Variants in ARMC5 observed in about 807,000 individuals in gnomAD.
ARMC5 encodes the protein armadillo repeat-containing protein 5.
In ARMC5, 28 loss-of-function variants were observed where a neutral mutation model predicts 60.5. The ratio of observed to expected loss-of-function variants is 0.46; its 90% CI spans 0.34 to 0.63. The LOEUF is 0.63. Ranked by LOEUF, ARMC5 falls within the 30% of genes least tolerant of loss-of-function variation. The pLI is 0.01. For synonymous variants in ARMC5, 680 were observed against 607.3 expected (o/e 1.12, Z -1.76); for missense variants, 1,189 against 1,304.9 (o/e 0.91, Z 1.37).
At chr16:31,459,152 G>A, upstream of ARMC5, 1 of 1,503,880 alleles carries the variant, frequency 6.6e-7, no homozygotes, top group Non-Finnish European at 8.8e-7. Context: ...TCCCCGCCGA[G>A]TGCACGCCGG....
In ARMC5 at chr16:31,462,795, G is replaced by A. The variant is rs2082316444; in HGVS notation, c.1248G>A (p.Leu416=). 2 of 1,613,894 alleles carry A rather than the reference G, an allele frequency of 1.2e-6. No individual in the cohort carries two copies. The highest frequency in any genetic ancestry group is 3.3e-5 in the Admixed American group (2 of 59,998). The change falls in exon 3 of 6, where the codon CTG becomes CTA. Residue 416 remains leucine (L), a synonymous_variant. Coordinates refer to ENST00000268314, the MANE Select transcript of ARMC5 (RefSeq NM_001105247.2). The surrounding 1 kb of genome is among the most constrained non-coding windows in gnomAD (Gnocchi z 7.2). The stretch of plus-strand genomic sequence containing the variant: ...AGGCTCTGGGACTTGTGCCTCTCCT[G>A]GCTGGGCAGCTGTGTGGTGAGGCTG... ...RLQALGLVPL[L]AGQLCGEAGE...
chr16:31,461,321 T>C (rs747442653), intron 1 of ARMC5, among the ~76,000 whole-genome samples: 4 of 152,186 alleles, frequency 2.6e-5, no homozygotes, highest in African/African-American at 7.2e-5. Flanking sequence ...TGGCCCCCAG[T>C]GCCTTCACAT....
In ARMC5 at chr16:31,459,985, G is replaced by T. The variant is rs758217532; in HGVS notation, c.461G>T (p.Gly154Val). The change falls in exon 1 of 6, where the codon GGC (glycine) becomes GTC (valine). Residue 154 changes from glycine (G) to valine (V), a missense_variant. Around this residue, in one of 2 missense-constraint regions of ARMC5, gnomAD observed 327 missense variants for 233.7 expected, o/e 1.40. Coordinates refer to ENST00000268314, the MANE Select transcript of ARMC5 (RefSeq NM_001105247.2). ...ACRTEVRRLGGILPLVTILQC... is the reference protein window; with the variant it reads ...ACRTEVRRLGVILPLVTILQC... Reference sequence around the variant, plus strand: ...CGGACCGAAGTGCGCAGACTCGGAGGCATACTCCCTTTGGGTAAGTGCTCC... The same window carrying T: ...CGGACCGAAGTGCGCAGACTCGGAGTCATACTCCCTTTGGGTAAGTGCTCC... 4 of 1,598,142 alleles carry T rather than the reference G, an allele frequency of 2.5e-6. No homozygotes were observed. Among genetic ancestry groups the T allele is most frequent in the South Asian group, 2.2e-5 (2 of 90,618 alleles).
Position 31,462,794 on chromosome 16 carries a change from T to C in ARMC5, c.1247T>C (p.Leu416Pro), listed in dbSNP as rs1224340432. ...CAGGCTCTGGGACTTGTGCCTCTCC[T>C]GGCTGGGCAGCTGTGTGGTGAGGCT... Reference protein sequence around the residue: ...RLQALGLVPLLAGQLCGEAGE... With the variant: ...RLQALGLVPLPAGQLCGEAGE... The change falls in exon 3 of 6, where the codon CTG (leucine) becomes CCG (proline). Residue 416 changes from leucine (L) to proline (P), a missense_variant. Leu to Pro is a moderately conservative substitution (Grantham distance 98). Coordinates refer to ENST00000268314, the MANE Select transcript of ARMC5 (RefSeq NM_001105247.2). The surrounding 1 kb of genome is among the most constrained non-coding windows in gnomAD (Gnocchi z 7.2). 1 of 1,613,896 alleles carries C rather than the reference T, an allele frequency of 6.2e-7. No individual in the cohort carries two copies.
intron 1 of ARMC5, among the ~76,000 whole-genome samples, chr16:31,461,652 C>T (rs911103808): frequency 3.3e-5 from 5 of 152,150 alleles, no homozygotes; most frequent in Admixed American, 6.6e-5. Flanking sequence ...GGATTACAGG[C>T]GTGTACCACC....
chr16:31,458,506 G>A (rs1188834273), upstream of ARMC5: 2 of 1,535,744 alleles, frequency 1.3e-6, no homozygotes, highest in South Asian at 1.2e-5. Context: ...ACAACGGTAA[G>A]GCTTGTCACC....
upstream of ARMC5, chr16:31,459,461 C>T (rs1309153581): frequency 6.4e-7 from 1 of 1,555,176 alleles, no homozygotes; most frequent in Non-Finnish European, 8.7e-7. Context: ...ATTTCCCTGT[C>T]TTCCAGTTCC....
intron 3 of ARMC5, among the ~76,000 whole-genome samples, chr16:31,463,809 C>T (rs1331649176): frequency 2.6e-5 from 4 of 152,206 alleles, no homozygotes; most frequent in African/African-American, 4.8e-5. Context: ...TTGTCTGCTT[C>T]TTCTCACTGG....
chr16:31,460,306 C>G (rs2082293903), intron 1 of ARMC5: 2 of 367,676 alleles, frequency 5.4e-6, no homozygotes, highest in Non-Finnish European at 9.9e-6. Flanking sequence ...TTCTTACCGT[C>G]CAGTTATGAT....
upstream of ARMC5, chr16:31,459,029 C>T (rs951641980): frequency 2.6e-6 from 4 of 1,528,408 alleles, no homozygotes; most frequent in Non-Finnish European, 3.5e-6. Flanking sequence ...CCGTCTGCGG[C>T]GCGGTCAGGA....
chr16:31,460,713 C>T (rs968143499), intron 1 of ARMC5, among the ~76,000 whole-genome samples: 1 of 152,158 alleles, frequency 6.6e-6, no homozygotes, highest in African/African-American at 2.4e-5. Context: ...GCATTCCAGC[C>T]TGGGCAACGT....
rs998495351 is a variant in ARMC5 at position 31,459,753 on chromosome 16, G to A, written c.229G>A (p.Ala77Thr). 2.0e-6 allele frequency: 3 copies of A among 1,535,660 alleles called. No individual in the cohort carries two copies. Among genetic ancestry groups the A allele is most frequent in the Non-Finnish European group, 2.6e-6 (3 of 1,150,756 alleles). ...CCCCCTACTCGCGCTGCTACGGCGA[G>A]CGGCTGCAGCGGGTTCCGCCCCGTC... is the stretch of plus-strand genomic sequence containing the variant. ...LRPLLALLRR[A>T]AAAGSAPSQA... The change falls in exon 1 of 6, where the codon GCG becomes ACG. Residue 77 changes from alanine (A) to threonine (T), a missense_variant. Coordinates refer to ENST00000268314, the MANE Select transcript of ARMC5 (RefSeq NM_001105247.2).
In ARMC5 at chr16:31,466,955, TG is replaced by T. The variant is rs984982998; in HGVS notation, c.*68del. 12 of 1,429,328 alleles carry T rather than the reference TG, an allele frequency of 8.4e-6. No individual in the cohort carries two copies. Among genetic ancestry groups the T allele is most frequent in the Non-Finnish European group, 1.1e-5 (12 of 1,088,436 alleles). The allele number at this position is 1,429,328 out of a possible 1,614,324, so 88.5% of individuals were successfully genotyped here. ...GGCTGTGAAGGATCCTCCCTGAGAC[TG>T]GCAAGGGAGGAGGCTGAGCAGAAGG... On this transcript the variant is annotated 3_prime_UTR_variant, in exon 6 of 6. Coordinates refer to ENST00000268314, the MANE Select transcript of ARMC5 (RefSeq NM_001105247.2). The surrounding 1 kb of genome is among the most constrained non-coding windows in gnomAD (Gnocchi z 8.0).
Position 31,462,093 on chromosome 16 carries a change from C to T in ARMC5, c.584-38C>T. 4.3e-6 allele frequency: 7 copies of T among 1,612,978 alleles called. No individual in the cohort carries two copies. Among genetic ancestry groups the T allele is most frequent in the Non-Finnish European group, 5.9e-6 (7 of 1,179,276 alleles). On this transcript the variant is annotated intron_variant, in intron 2 of 5. Coordinates refer to ENST00000268314, the MANE Select transcript of ARMC5 (RefSeq NM_001105247.2). This position sits in a 1 kb window ranked among gnomAD's most constrained non-coding sequence, Gnocchi z 7.2. ...GCAGAAGAAAGGCTTGAGTGTCTGT[C>T]CTTGTTCACCCTCTGTGCTCCCCTT...
upstream of ARMC5, chr16:31,458,483 T>C (rs2082266184): frequency 6.5e-7 from 1 of 1,535,736 alleles, no homozygotes. Flanking sequence ...CGGAAGCTTC[T>C]GCCATAACCC....
chr16:31,459,160 C>T, upstream of ARMC5: 1 of 1,507,162 alleles, frequency 6.6e-7, no homozygotes, highest in Admixed American at 2.1e-5. Context: ...GAGTGCACGC[C>T]GGGGGCGGGG....
Position 31,466,060 on chromosome 16 carries a change from G to A in ARMC5, c.1998-19G>A. The A allele has an allele frequency of 6.3e-7, 1 of 1,592,460 alleles. No individual in the cohort carries two copies. Among genetic ancestry groups the A allele is most frequent in the Admixed American group, 1.7e-5 (1 of 58,160 alleles). On this transcript the variant is annotated intron_variant, in intron 5 of 5. Transcript: ENST00000268314. This position sits in a 1 kb window ranked among gnomAD's most constrained non-coding sequence, Gnocchi z 8.0. ...CAGGCCCGTTGCCCACCTTTTGAAA[G>A]GCCCTCTCTTCCCTGTAGGAAGCCC...
rs202069202 is a variant in ARMC5, at chr16:31,464,518, C to T, written c.1495C>T (p.Arg499Trp). The T allele has an allele frequency of 5.8e-4, 937 of 1,602,822 alleles. 2 individuals carry two copies. Among genetic ancestry groups the T allele is most frequent in the Admixed American group, 1.0e-3 (61 of 59,142 alleles). ...ASPAPTPTSL[R>W]APRTQRTPGR... ...CCCCGCCCCGACCCCGACCTCGCTG[C>T]GGGCACCACGCACCCAACGCACTCC... The change falls in exon 4 of 6, where the codon CGG becomes TGG. Residue 499 changes from arginine to tryptophan, a missense_variant. Arg to Trp is a moderately radical substitution (Grantham distance 101). Coordinates refer to ENST00000268314, the MANE Select transcript of ARMC5 (RefSeq NM_001105247.2). The surrounding 1 kb of genome is among the most constrained non-coding windows in gnomAD (Gnocchi z 7.6).
chr16:31,460,621 T>C (rs1292892760), intron 1 of ARMC5, among the ~76,000 whole-genome samples: 1 of 152,172 alleles, frequency 6.6e-6, no homozygotes, highest in Non-Finnish European at 1.5e-5. Context: ...GTTCCAGCTA[T>C]TTGGGAGGCT....
Sources: allele counts gnomAD v4.1 joint callset (sites outside exome capture counted in the v4.1 genomes callset), GRCh38; gene constraint gnomAD v4.1.1; regional missense constraint gnomAD v4.1.1; non-coding constraint Gnocchi (gnomAD v3.1); transcripts MANE v1.5; gene names NCBI Gene and HGNC (gene_info 2026-07-23, HGNC 2026-07-21).